The following CDH2 variants were observed in gnomAD, a reference collection of about 807,000 sequenced individuals.
The protein encoded by CDH2 is cadherin 2.
CDH2 carries 17 observed loss-of-function variants against 92.0 expected under a neutral mutation model. The observed-to-expected ratio is 0.18, with a 90% CI of 0.13 to 0.28. The LOEUF (loss-of-function observed/expected upper bound fraction) is 0.28. Among genes scored for constraint, CDH2 ranks in the 10% least tolerant of loss-of-function variants. The probability of loss-of-function intolerance (pLI) is 1.00; values close to 1 mark genes in which losing one functional copy is unlikely to be tolerated. For synonymous variants in CDH2, 419 were observed against 415.9 expected, an observed-to-expected ratio of 1.01 and a Z score of -0.09; for missense variants, 862 against 1,133.1, an observed-to-expected ratio of 0.76 and a Z score of 3.44.
intron 2 of CDH2, among the ~76,000 whole-genome samples, chr18:28,101,396 T>A (rs935805137): frequency 3.9e-5 from 6 of 152,112 alleles, no homozygotes; most frequent in African/African-American, 1.4e-4. Context: ...ACAACTTAAT[T>A]TTCATCTGCC....
chr18:28,163,372 G>A (rs994118594), intron 1 of CDH2, among the ~76,000 whole-genome samples: 2 of 152,236 alleles, frequency 1.3e-5, no homozygotes, highest in Admixed American at 1.3e-4. Flanking sequence ...ACACATCCAA[G>A]AGCAGAACAG....
intron 2 of CDH2, among the ~76,000 whole-genome samples, chr18:28,106,352 G>A (rs754029458): frequency 2.0e-5 from 3 of 152,054 alleles, no homozygotes; most frequent in Non-Finnish European, 2.9e-5. Flanking sequence ...GGGAGGCGGC[G>A]GTTGCAGTGA....
intron 1 of CDH2, among the ~76,000 whole-genome samples, chr18:28,152,121 G>C (rs987804142): frequency 2.0e-5 from 3 of 152,118 alleles, no homozygotes; most frequent in Non-Finnish European, 4.4e-5. Context: ...GTTAAGTTCC[G>C]TATCACATTG....
At position 28,154,132 on chromosome 18, in the gene CDH2, C is replaced by T. The variant is rs181090470; in HGVS notation, c.61-6348G>A. On this transcript the variant is annotated intron_variant, in intron 1 of 15. Coordinates refer to ENST00000269141, the MANE Select transcript of CDH2 (RefSeq NM_001792.5). ...ACCTTTTGACCCTAGTCTTCAAACC[C>T]AATAGCTTAGCAACAACAAAAAGGA... 5.3e-5 allele frequency among the ~76,000 whole-genome samples: 8 copies of T among 152,326 alleles called. No individual in the cohort carries two copies. The East Asian group carries it at 1.5e-3, about 29-fold the overall frequency.
intron 2 of CDH2, among the ~76,000 whole-genome samples, chr18:28,069,293 C>T (rs2014571539): frequency 6.6e-6 from 1 of 152,042 alleles, no homozygotes; most frequent in African/African-American, 2.4e-5. Context: ...TTGTTTGAGG[C>T]AACAATCTAA....
chr18:28,036,359 G>C, intron 2 of CDH2: 1 of 687,150 alleles, frequency 1.5e-6, no homozygotes. Flanking sequence ...TAAATTCCTT[G>C]TTTAAAATAT....
At chr18:28,119,570 G>A (rs2015552823) in intron 2 of CDH2, among the ~76,000 whole-genome samples, 1 of 152,106 alleles carries the variant, frequency 6.6e-6, no homozygotes, top group Admixed American at 6.6e-5. Context: ...GCAATATTGA[G>A]TGGACATTCT....
intron 6 of CDH2, among the ~76,000 whole-genome samples, chr18:27,938,556 T>G (rs1909071385): frequency 6.6e-6 from 1 of 152,130 alleles, no homozygotes; most frequent in Admixed American, 6.5e-5. Context: ...ATCAAAAGCA[T>G]TTTTGAGAGC....
At chr18:28,081,060 G>T (rs941274714) in intron 2 of CDH2, among the ~76,000 whole-genome samples, 1 of 152,134 alleles carries the variant, frequency 6.6e-6, no homozygotes, top group Non-Finnish European at 1.5e-5. Flanking sequence ...CATCTGAGAA[G>T]AGGCACCTGT....
intron 2 of CDH2, among the ~76,000 whole-genome samples, chr18:28,126,934 T>C (rs181237851): frequency 2.6e-5 from 4 of 152,192 alleles, no homozygotes; most frequent in Non-Finnish European, 5.9e-5. Context: ...TAAGGAAGCG[T>C]TCCATGTGAC....
intron 2 of CDH2, among the ~76,000 whole-genome samples, chr18:28,098,888 G>T (rs1246964815): frequency 6.6e-6 from 1 of 151,984 alleles, no homozygotes; most frequent in Non-Finnish European, 1.5e-5. Context: ...TTAATTGGGG[G>T]TTACAAATAA....
intron 2 of CDH2, among the ~76,000 whole-genome samples, chr18:28,063,910 A>G (rs988146086): frequency 1.3e-5 from 2 of 152,228 alleles, no homozygotes; most frequent in Admixed American, 1.3e-4. Flanking sequence ...GTAATCTTCA[A>G]AAATCACCAG....
intron 2 of CDH2, among the ~76,000 whole-genome samples, chr18:28,039,687 G>A (rs374145088): frequency 2.6e-5 from 4 of 152,180 alleles, no homozygotes; most frequent in African/African-American, 9.6e-5. Flanking sequence ...AGTCTGTATC[G>A]TGTGTTTTTT....
intron 14 of CDH2, among the ~76,000 whole-genome samples, chr18:27,969,097 T>A (rs560545831): frequency 6.6e-6 from 1 of 152,356 alleles, no homozygotes; most frequent in East Asian, 1.9e-4. Flanking sequence ...GTTATGACGG[T>A]AACTATCTTC....
At chr18:28,000,917 G>T (rs2012745780) in intron 7 of CDH2, among the ~76,000 whole-genome samples, 1 of 152,070 alleles carries the variant, frequency 6.6e-6, no homozygotes, top group Non-Finnish European at 1.5e-5. Flanking sequence ...TTTCAAGTCT[G>T]CACGAGGCCT....
intron 2 of CDH2, among the ~76,000 whole-genome samples, chr18:28,073,603 T>C (rs757881176): frequency 2.6e-5 from 4 of 152,212 alleles, no homozygotes; most frequent in Non-Finnish European, 5.9e-5. Context: ...TAAAGGCAGA[T>C]GATAGAATCT....
chr18:28,108,064 GACAGAGGAAAC>G (rs1352801879), intron 2 of CDH2, among the ~76,000 whole-genome samples: 1 of 152,098 alleles, frequency 6.6e-6, no homozygotes, highest in Non-Finnish European at 1.5e-5. Context: ...AAACCTGGTA[GACAGAGGAAAC>G]AGTAACCTTC....
intron 2 of CDH2, among the ~76,000 whole-genome samples, chr18:28,142,998 A>G (rs975245960): frequency 1.3e-5 from 2 of 152,034 alleles, no homozygotes; most frequent in African/African-American, 4.8e-5. Context: ...AAGATACCAT[A>G]CCGCAGCTTC....
chr18:28,018,767 T>A (rs1005945191), intron 2 of CDH2, among the ~76,000 whole-genome samples: 3 of 151,778 alleles, frequency 2.0e-5, no homozygotes, highest in Admixed American at 2.0e-4. Context: ...TGGTAATTCC[T>A]TAAAAAACTA....
Sources: allele counts gnomAD v4.1 joint callset (sites outside exome capture counted in the v4.1 genomes callset), GRCh38; gene constraint gnomAD v4.1.1; transcripts MANE v1.5; gene names NCBI Gene and HGNC (gene_info 2026-07-23, HGNC 2026-07-21).